ARID1B: variants seen among roughly 807,000 people sequenced by gnomAD.
ARID1B encodes AT-rich interaction domain 1B.
In ARID1B, 30 loss-of-function variants were observed where a neutral mutation model predicts 212.3. That is an observed-to-expected ratio of 0.14 (90% CI 0.11 to 0.19). The LOEUF is 0.19. Among genes scored for constraint, ARID1B ranks in the 10% least tolerant of loss-of-function variants. ARID1B has a pLI of 1.00. For synonymous variants in ARID1B, 1,402 were observed against 1,301.7 expected, an observed-to-expected ratio of 1.08 and a Z score of -1.66; for missense variants, 2,891 against 3,204.0, an observed-to-expected ratio of 0.90 and a Z score of 2.36.
intron 4 of ARID1B, among the ~76,000 whole-genome samples, chr6:157,069,448 A>G (rs1260145337): frequency 1.3e-5 from 2 of 152,182 alleles, no homozygotes; most frequent in Admixed American, 6.5e-5. Flanking sequence ...CAAATTTAAC[A>G]CTACTAATTT....
At chr6:156,897,221 T>TG (rs1562468311) in intron 2 of ARID1B, among the ~76,000 whole-genome samples, 2,628 of 78,108 alleles carry the variant, frequency 0.034, 24 homozygotes, top group Non-Finnish European at 0.042. Flanking sequence ...TGCTGCTGCT[T>TG]CTTCTTCTTC....
At chr6:157,169,367 G>A (rs1791558470) in intron 9 of ARID1B, 1 of 151,686 alleles carries the variant, frequency 6.6e-6, no homozygotes, top group African/African-American at 2.4e-5. Context: ...CAGTGTACGG[G>A]GCCAAAAAAA....
intron 13 of ARID1B, chr6:157,185,409 G>A (rs1418015742): frequency 6.6e-6 from 1 of 152,296 alleles, no homozygotes; most frequent in African/African-American, 2.4e-5. Flanking sequence ...TACACAGCTT[G>A]TTCTGAGCGT....
intron 9 of ARID1B, among the ~76,000 whole-genome samples, chr6:157,170,792 AG>A (rs1791667467): frequency 6.6e-6 from 1 of 152,170 alleles, no homozygotes; most frequent in Non-Finnish European, 1.5e-5. Flanking sequence ...CAGGGCTGTC[AG>A]GGCCTTGCGT....
At position 157,047,487 on chromosome 6, in the gene ARID1B, C is replaced by T. The variant is rs754003358; in HGVS notation, c.2248-37175C>T. 6.6e-5 allele frequency among the ~76,000 whole-genome samples: 10 copies of T among 152,072 alleles called. No homozygotes were observed. The South Asian group carries it at 1.0e-3, about 16-fold the overall frequency. ...TTAGATAGATTCATTGACAGCATCG[C>T]GGCTGTCCCAAGATCTACCAAGTCC... is the stretch of plus-strand genomic sequence containing the variant. On this transcript the variant is annotated intron_variant, in intron 4 of 19. Coordinates refer to ENST00000636930, the MANE Select transcript of ARID1B (RefSeq NM_001374828.1).
intron 1 of ARID1B, among the ~76,000 whole-genome samples, chr6:156,795,552 A>G (rs1780307444): frequency 6.6e-6 from 1 of 151,666 alleles, no homozygotes; most frequent in South Asian, 2.1e-4. Context: ...AAGGCAGAAA[A>G]CTCCTCCAGT....
chr6:157,109,033 C>T (rs914304511), intron 5 of ARID1B, among the ~76,000 whole-genome samples: 3 of 152,166 alleles, frequency 2.0e-5, no homozygotes, highest in Non-Finnish European at 4.4e-5. Flanking sequence ...GCTATTTATA[C>T]GTGTTATCTA....
intron 5 of ARID1B, among the ~76,000 whole-genome samples, chr6:157,095,951 C>T (rs996577521): frequency 1.3e-5 from 2 of 152,136 alleles, no homozygotes; most frequent in African/African-American, 4.8e-5. Flanking sequence ...TCTTAGAAGC[C>T]GACGGAGGAA....
intron 4 of ARID1B, among the ~76,000 whole-genome samples, chr6:157,056,443 A>T (rs1782959466): frequency 6.6e-6 from 1 of 152,220 alleles, no homozygotes; most frequent in Non-Finnish European, 1.5e-5. Context: ...TTTTATTGTT[A>T]GCTTCTGAAC....
At position 157,094,552 on chromosome 6, in the gene ARID1B, G is replaced by C. The variant is rs546855133; in HGVS notation, c.2491+9647G>C. On this transcript the variant is annotated intron_variant, in intron 5 of 19. Coordinates refer to ENST00000636930, the MANE Select transcript of ARID1B (RefSeq NM_001374828.1). The surrounding 1 kb of genome is among the most constrained non-coding windows in gnomAD (Gnocchi z 4.3). ...ATATTTTTAGTAGAGATGGGGTTTCGCCATGTTGGCCAGGCTGGTCTCGAA... is the reference window on the plus strand; with the variant it reads ...ATATTTTTAGTAGAGATGGGGTTTCCCCATGTTGGCCAGGCTGGTCTCGAA... Among the ~76,000 whole-genome samples, 2 of 151,996 alleles carry C rather than the reference G, an allele frequency of 1.3e-5. No individual in the cohort carries two copies. The highest frequency in any genetic ancestry group is 4.2e-4 in the South Asian group (2 of 4,816).
chr6:157,199,017 T>G, intron 17 of ARID1B, 110 bp downstream of exon 17: 2 of 920,184 alleles, frequency 2.2e-6, no homozygotes, highest in Non-Finnish European at 3.2e-6. Context: ...CAAAAATGAT[T>G]AGTGTTTGTT....
chr6:157,197,234 A>G lies in ARID1B; in HGVS notation c.4382+919A>G, dbSNP rs546621903. Among the ~76,000 whole-genome samples the G allele has an allele frequency of 5.3e-5, 8 of 152,352 alleles. No homozygotes were observed. The East Asian group carries it at 1.3e-3, about 26-fold the overall frequency. ...TTTAAAGAAAAAAGATAGAGGCATAATAGAAGGGCTTTTCCCTCCCCGGAG... is the reference window on the plus strand; with the variant it reads ...TTTAAAGAAAAAAGATAGAGGCATAGTAGAAGGGCTTTTCCCTCCCCGGAG... On this transcript the variant is annotated intron_variant, in intron 16 of 19. Coordinates refer to ENST00000636930, the MANE Select transcript of ARID1B (RefSeq NM_001374828.1).
chr6:156,786,474 A>T (rs1779639215), intron 1 of ARID1B, among the ~76,000 whole-genome samples: 1 of 152,210 alleles, frequency 6.6e-6, no homozygotes, highest in Non-Finnish European at 1.5e-5. Flanking sequence ...TCTCATGAAC[A>T]GGCGTCTTTG....
intron 4 of ARID1B, among the ~76,000 whole-genome samples, chr6:157,035,473 G>A (rs1291149636): frequency 1.3e-5 from 2 of 152,156 alleles, no homozygotes; most frequent in Admixed American, 6.5e-5. Context: ...GAAAGTCAGG[G>A]CTTGGGAAAT....
At chr6:157,173,868 C>A in intron 9 of ARID1B, 140 bp from the exon 10 acceptor site, 1 of 652,418 alleles carries the variant, frequency 1.5e-6, no homozygotes, top group Non-Finnish European at 2.6e-6. Flanking sequence ...AATATGCTCC[C>A]CATTACAATT....
At chr6:157,048,346 T>C (rs1782377325) in intron 4 of ARID1B, among the ~76,000 whole-genome samples, 1 of 152,180 alleles carries the variant, frequency 6.6e-6, no homozygotes, top group Non-Finnish European at 1.5e-5. Flanking sequence ...GTAAAAGATA[T>C]TCCCAAATAA....
At chr6:157,039,643 TTCTTTCCTTCCTTCCTTCC>T (rs1781611590) in intron 4 of ARID1B, among the ~76,000 whole-genome samples, 1 of 91,886 alleles carries the variant, frequency 1.1e-5, no homozygotes, top group African/African-American at 4.1e-5. Context: ...CCTTCCTTCC[TTCTTTCCTTCCTTCCTTCC>T]TTCCTTCCTT....
intron 1 of ARID1B, among the ~76,000 whole-genome samples, chr6:156,814,930 G>T (rs969985358): frequency 2.6e-5 from 4 of 151,998 alleles, no homozygotes; most frequent in African/African-American, 9.7e-5. Context: ...CAGGTTTTTA[G>T]GTGAAGACCC....
At chr6:156,899,719 T>C (rs988711736) in intron 2 of ARID1B, among the ~76,000 whole-genome samples, 1 of 152,144 alleles carries the variant, frequency 6.6e-6, no homozygotes, top group African/African-American at 2.4e-5. Flanking sequence ...TGTCCTGTTG[T>C]TGTGTTGCTT....
Sources: allele counts gnomAD v4.1 joint callset (sites outside exome capture counted in the v4.1 genomes callset), GRCh38; gene constraint gnomAD v4.1.1; non-coding constraint Gnocchi (gnomAD v3.1); transcripts MANE v1.5; gene names NCBI Gene and HGNC (gene_info 2026-07-23, HGNC 2026-07-21).